The following MTA2 variants were observed in gnomAD, a reference collection of about 807,000 sequenced individuals.
MTA2 encodes the protein metastasis associated 1 family member 2, also known as metastasis-associated protein MTA2.
In MTA2, 22 loss-of-function variants were observed where a neutral mutation model predicts 87.1. The ratio of observed to expected loss-of-function variants is 0.25; its 90% CI spans 0.18 to 0.36. The LOEUF (loss-of-function observed/expected upper bound fraction) is 0.36. MTA2 is among the 10% of genes least tolerant of loss of function. The pLI, the probability that MTA2 is intolerant of heterozygous loss-of-function variation, is 1.00. For synonymous variants in MTA2, 314 were observed against 310.1 expected (o/e 1.01, Z -0.13); for missense variants, 542 against 853.2 (o/e 0.64, Z 4.54).
intron 8 of MTA2, 128 bp downstream of exon 8, chr11:62,597,188 A>G: frequency 1.5e-6 from 1 of 688,752 alleles, no homozygotes; most frequent in Non-Finnish European, 2.4e-6. Context: ...GACTCCTCTC[A>G]AAACAAAACA....
At chr11:62,597,168 G>A (rs1201087410) in intron 8 of MTA2, 148 bp downstream of exon 8, 26 of 631,374 alleles carry the variant, frequency 4.1e-5, no homozygotes, top group South Asian at 1.3e-4. Context: ...CAGCCTGGGC[G>A]ACAGAGCAAG....
rs781287648 is a variant in MTA2 at position 62,595,310 on chromosome 11, G to A, written c.1437C>T (p.Ala479=). 6 of 1,614,206 alleles carry A rather than the reference G, an allele frequency of 3.7e-6. No individual in the cohort carries two copies. The South Asian group carries it at 5.5e-5, about 15-fold the overall frequency. Reference sequence around the variant, plus strand: ...CATTGATAGGAGCATAAGGCCGTCGGGCGGCCCTCCTTGGCTGTAATAGGT... The same window carrying A: ...CATTGATAGGAGCATAAGGCCGTCGAGCGGCCCTCCTTGGCTGTAATAGGT... The part of the protein sequence containing the change: ...CRDLLQPRRA[A]RRPYAPINAN... Residue 479 remains alanine, a synonymous_variant, in exon 14 of 18, where the codon GCC becomes GCT. Transcript: ENST00000278823. This position sits in a 1 kb window ranked among gnomAD's most constrained non-coding sequence, Gnocchi z 4.9.
intron 11 of MTA2, 84 bp from the exon 12 acceptor site, chr11:62,596,191 C>T: frequency 6.3e-7 from 1 of 1,592,526 alleles, no homozygotes; most frequent in South Asian, 1.1e-5. Context: ...TGTGCCCCTA[C>T]CTCCTGCCCA....
At position 62,597,671 on chromosome 11, in the gene MTA2, C is replaced by A. The variant is rs779465687; in HGVS notation, c.532G>T (p.Val178Phe). The A allele has an allele frequency of 1.2e-6, 2 of 1,614,196 alleles. No homozygotes were observed. Among genetic ancestry groups the A allele is most frequent in the South Asian group, 2.2e-5 (2 of 91,076 alleles). Residue 178 changes from valine to phenylalanine, a missense_variant, in exon 7 of 18, where the codon GTC becomes TTC. Physicochemically the swap from Val to Phe is conservative, Grantham distance 50 (BLOSUM62 -1). This residue lies in a region of MTA2 where 150 missense variants were observed against 243.9 expected (regional missense o/e 0.62). Coordinates refer to ENST00000278823, the MANE Select transcript of MTA2 (RefSeq NM_004739.4). The stretch of plus-strand genomic sequence containing the variant: ...GTGAGAGGGTTGTCTGGGTCCCAGA[C>A]CTTCATCTCCATCTTCTGCTGGTTC... ...NRNQQKMEMKVWDPDNPLTDR... is the reference protein window; with the variant it reads ...NRNQQKMEMKFWDPDNPLTDR...
chr11:62,601,208 G>C, intron 1 of MTA2: 2 of 591,462 alleles, frequency 3.4e-6, no homozygotes, highest in Non-Finnish European at 5.7e-6. Flanking sequence ...AAGTGCCGTC[G>C]GGGCTGCCCG....
chr11:62,594,035 A>G lies in MTA2; in HGVS notation c.1847T>C (p.Leu616Pro). The G allele has an allele frequency of 1.2e-6, 2 of 1,601,112 alleles. No homozygotes were observed. Among genetic ancestry groups the G allele is most frequent in the Non-Finnish European group, 1.7e-6 (2 of 1,173,830 alleles). ...TTCCAGATGGGTCAGAGCCTTCCGT[A>G]GGGCCCTGGCCAGAAAGAGCAAGTG... ...VFVATKDTRA[L>P]RKALTHLEMR... The change falls in exon 18 of 18, where the codon CTA (leucine) becomes CCA (proline). Residue 616 changes from leucine (L) to proline (P), a missense_variant. Leu to Pro is a moderately conservative substitution (Grantham distance 98). Transcript: ENST00000278823.
At chr11:62,597,767 G>A (rs1942119256) in intron 6 of MTA2, 55 bp from the exon 7 acceptor site, 1 of 1,441,982 alleles carries the variant, frequency 6.9e-7, no homozygotes, top group South Asian at 1.2e-5. Flanking sequence ...AACAGTTGGT[G>A]TCTTTTCATT....
At chr11:62,600,925 G>A in intron 1 of MTA2, 1 of 532,394 alleles carries the variant, frequency 1.9e-6, no homozygotes, top group Non-Finnish European at 3.3e-6. Flanking sequence ...TAAGGAACAG[G>A]CAAGAAGCAG....
intron 9 of MTA2, 31 bp from the exon 10 acceptor site, chr11:62,596,563 T>C (rs759946402): frequency 6.2e-7 from 1 of 1,613,478 alleles, no homozygotes; most frequent in South Asian, 1.1e-5. Flanking sequence ...AAGAATGAGC[T>C]GGCATCTGGC....
rs1942089033 is a variant in MTA2 at position 62,595,689 on chromosome 11, C to T, written c.1254+63G>A. Reference sequence around the variant, plus strand: ...ATAAAGAGTTGAATATTCTGGCCTTCACCTAAGCTCACCATCAATATGCTT... The same window carrying T: ...ATAAAGAGTTGAATATTCTGGCCTTTACCTAAGCTCACCATCAATATGCTT... On this transcript the variant is annotated intron_variant, in intron 13 of 17. Transcript: ENST00000278823. The surrounding 1 kb of genome is among the most constrained non-coding windows in gnomAD (Gnocchi z 4.9). The T allele has an allele frequency of 1.3e-6, 2 of 1,595,608 alleles. No individual in the cohort carries two copies. Among genetic ancestry groups the T allele is most frequent in the Non-Finnish European group, 8.5e-7 (1 of 1,169,592 alleles).
rs1942202826 is a variant in MTA2, at chr11:62,601,586, C to G, written c.-136G>C. On this transcript the variant is annotated 5_prime_UTR_variant, in exon 1 of 18. Coordinates refer to ENST00000278823, the MANE Select transcript of MTA2 (RefSeq NM_004739.4). ...CTCACTGGGGCCCGCGCAGCCGGCA[C>G]CTCCGCTGCCTCAGCCGTCGCGGTT... The G allele has an allele frequency of 1.0e-6, 1 of 988,860 alleles. No individual in the cohort carries two copies. The highest frequency in any genetic ancestry group is 1.4e-6 in the Non-Finnish European group (1 of 702,522). 61.3% of individuals were successfully genotyped at this position (988,860 alleles called of 1,614,324 possible). A position where few individuals can be genotyped will look rare whatever the true frequency, so the allele number is the denominator to read the frequency against.
chr11:62,593,797 C>A lies in MTA2; in HGVS notation c.*78G>T. On this transcript the variant is annotated 3_prime_UTR_variant, in exon 18 of 18. Transcript: ENST00000278823. ...TTAATTCACTCCTCACTCCCTTCGA[C>A]ACGAAAGGGAAGGGAGGTTTGGGTG... is the stretch of plus-strand genomic sequence containing the variant. 1 of 1,556,262 alleles carries A rather than the reference C, an allele frequency of 6.4e-7. No homozygotes were observed. The highest frequency in any genetic ancestry group is 8.8e-7 in the Non-Finnish European group (1 of 1,135,534).
At chr11:62,600,368 A>T in intron 2 of MTA2, 109 bp from the exon 3 acceptor site, 2 of 1,013,192 alleles carry the variant, frequency 2.0e-6, no homozygotes, top group Non-Finnish European at 3.0e-6. Flanking sequence ...GAGGGACCTA[A>T]ATTAAAAAGC....
In MTA2 at chr11:62,595,700, AC is replaced by A. The variant is rs113272925; in HGVS notation, c.1254+51del. On this transcript the variant is annotated intron_variant, in intron 13 of 17. Coordinates refer to ENST00000278823, the MANE Select transcript of MTA2 (RefSeq NM_004739.4). This position sits in a 1 kb window ranked among gnomAD's most constrained non-coding sequence, Gnocchi z 4.9. ...AATATTCTGGCCTTCACCTAAGCTC[AC>A]CATCAATATGCTTACTGCTCTCCCC... 1.8e-4 allele frequency: 286 copies of A among 1,603,530 alleles called. 4 individuals carry two copies. The African/African-American group carries it at 3.1e-3, about 17-fold the overall frequency.
At position 62,595,575 on chromosome 11, in the gene MTA2, T is replaced by C. The variant is rs1412014336; in HGVS notation, c.1255-83A>G. The C allele has an allele frequency of 6.5e-7, 1 of 1,540,224 alleles. No homozygotes were observed. Among genetic ancestry groups the C allele is most frequent in the African/African-American group, 1.4e-5 (1 of 72,834 alleles). The stretch of plus-strand genomic sequence containing the variant: ...TTCTTCCATTCCCTGCAGGGGACAA[T>C]TTATTCCTGTCTAATCTCTTTACTG... On this transcript the variant is annotated intron_variant, in intron 13 of 17. Transcript: ENST00000278823. This position sits in a 1 kb window ranked among gnomAD's most constrained non-coding sequence, Gnocchi z 4.9.
intron 4 of MTA2, 27 bp from the exon 5 acceptor site, chr11:62,598,417 G>C (rs768684689): frequency 6.2e-7 from 1 of 1,612,172 alleles, no homozygotes; most frequent in Admixed American, 1.7e-5. Context: ...GGAAAACCCC[G>C]GTGAGCCCCA....
chr11:62,599,933 C>G (rs537121241), intron 3 of MTA2, among the ~76,000 whole-genome samples: 1 of 152,188 alleles, frequency 6.6e-6, no homozygotes, highest in African/African-American at 2.4e-5. Flanking sequence ...TAAATGTTAT[C>G]ATCTCTCTCT....
Position 62,594,376 on chromosome 11 carries a change from T to G in MTA2, c.1724A>C (p.Asn575Thr). The change falls in exon 17 of 18, where the codon AAT (asparagine) becomes ACT (threonine). Residue 575 changes from asparagine (N) to threonine (T), a missense_variant. By Grantham distance (65) the Asn-to-Thr change is moderately conservative (BLOSUM62 0). This residue lies in a region of MTA2 where 269 missense variants were observed against 346.4 expected (regional missense o/e 0.78). Transcript: ENST00000278823. ...MAGAGVPFSA[N>T]GRPLASGIRS... ...AATCCCTGAAGCCAGAGGCCTTCCA[T>G]TGGCAGAGAAAGGAACCCCTGCCCC... 11 of 1,614,170 alleles carry G rather than the reference T, an allele frequency of 6.8e-6. No homozygotes were observed. The highest frequency in any genetic ancestry group is 9.3e-6 in the Non-Finnish European group (11 of 1,180,036).
intron 6 of MTA2, 127 bp downstream of exon 6, chr11:62,597,897 T>C (rs1942121023): frequency 1.5e-5 from 16 of 1,036,970 alleles, no homozygotes; most frequent in Non-Finnish European, 2.1e-5. Flanking sequence ...GTCAGGGTCA[T>C]GGCAGAGAGC....
Sources: gnomAD v4.1 joint callset for allele counts (sites outside exome capture counted in the v4.1 genomes callset) on GRCh38, gnomAD v4.1.1 for gene constraint, gnomAD v4.1.1 regional missense constraint, Gnocchi (gnomAD v3.1) non-coding constraint, MANE v1.5 for transcripts, NCBI Gene and HGNC (gene_info 2026-07-23, HGNC 2026-07-21) for gene names.